PCNX1: variants seen among roughly 807,000 people sequenced by gnomAD.
PCNX1 encodes the protein pecanex-like protein 1.
A neutral mutation model predicts 242.2 loss-of-function variants in PCNX1; 78 were observed. The ratio of observed to expected loss-of-function variants is 0.32; its 90% CI spans 0.27 to 0.39. PCNX1 has a LOEUF of 0.39. Ranked by LOEUF, PCNX1 falls within the 10% of genes least tolerant of loss-of-function variation. PCNX1 has a pLI of 1.00. For missense variants in PCNX1, 2,581 were observed against 2,856.5 expected (o/e 0.90, Z 2.20); for synonymous variants, 1,024 against 1,032.9 (o/e 0.99, Z 0.17).
chr14:70,992,997 A>C (rs2059213901), intron 7 of PCNX1, among the ~76,000 whole-genome samples: 1 of 152,158 alleles, frequency 6.6e-6, no homozygotes, highest in Non-Finnish European at 1.5e-5. Context: ...GAAAATCTTT[A>C]AAATAATTGG....
chr14:71,068,728 A>G lies in PCNX1; in HGVS notation c.4853-4817A>G, dbSNP rs907678820. Among the ~76,000 whole-genome samples the G allele has an allele frequency of 4.3e-5, 6 of 137,940 alleles. No homozygotes were observed. The East Asian group carries it at 1.2e-3, about 28-fold the overall frequency. 90.5% of individuals were successfully genotyped at this position (137,940 alleles called of 152,430 possible). A position where few individuals can be genotyped will look rare whatever the true frequency, so the allele number is the denominator to read the frequency against. On this transcript the variant is annotated intron_variant, in intron 26 of 35. Transcript: ENST00000304743. ...GCATATATGTATGTATATATAATATACAAATAACATTTATATATTTTATAT... is the reference window on the plus strand; with the variant it reads ...GCATATATGTATGTATATATAATATGCAAATAACATTTATATATTTTATAT...
chr14:71,038,664 C>T (rs1242614899), intron 19 of PCNX1, among the ~76,000 whole-genome samples: 3 of 151,018 alleles, frequency 2.0e-5, no homozygotes, highest in Non-Finnish European at 4.5e-5. Context: ...GTCAGTGTGG[C>T]GATTCCTCAG....
intron 8 of PCNX1, among the ~76,000 whole-genome samples, chr14:71,000,968 AAGTTATTGTCTTGTCTTAAGCCTC>A (rs1427383121): frequency 6.6e-6 from 1 of 152,190 alleles, no homozygotes; most frequent in Non-Finnish European, 1.5e-5. Flanking sequence ...GATCTTGGGA[AAGTTATTGTCTTGTCTTAAGCCTC>A]AGTTTCCTCA....
chr14:71,100,352 T>C (rs1157396263), intron 30 of PCNX1, among the ~76,000 whole-genome samples: 2 of 152,222 alleles, frequency 1.3e-5, no homozygotes, highest in South Asian at 2.1e-4. Context: ...CTTTCACTTA[T>C]GAAGCTTAGT....
chr14:71,005,649 C>G (rs2059635455), intron 8 of PCNX1, among the ~76,000 whole-genome samples: 1 of 152,078 alleles, frequency 6.6e-6, no homozygotes, highest in Admixed American at 6.5e-5. Context: ...ATTCATTTCC[C>G]ATGTCTTTTA....
intron 22 of PCNX1, among the ~76,000 whole-genome samples, chr14:71,048,787 C>T (rs1302340146): frequency 6.6e-6 from 1 of 151,848 alleles, no homozygotes; most frequent in East Asian, 1.9e-4. Flanking sequence ...GTACAGAGAA[C>T]AGCTTAAGCG....
At chr14:71,008,095 C>T (rs1595220027) in intron 8 of PCNX1, among the ~76,000 whole-genome samples, 1 of 151,996 alleles carries the variant, frequency 6.6e-6, no homozygotes, top group African/African-American at 2.4e-5. Context: ...AATGTGGCTA[C>T]AGAAAACAGC....
At chr14:71,033,775 T>A (rs1341504272) in intron 17 of PCNX1, among the ~76,000 whole-genome samples, 156 bp from the exon 18 acceptor site, 1 of 152,202 alleles carries the variant, frequency 6.6e-6, no homozygotes, top group South Asian at 2.1e-4. Flanking sequence ...CACTGTATGC[T>A]TATTTATGGT....
Position 71,105,244 on chromosome 14 carries a change from A to T in PCNX1, c.6105A>T (p.Lys2035Asn), listed in dbSNP as rs759558929. 1 of 1,613,606 alleles carries T rather than the reference A, an allele frequency of 6.2e-7. No individual in the cohort carries two copies. The highest frequency in any genetic ancestry group is 8.5e-7 in the Non-Finnish European group (1 of 1,179,518). ...TGGTATTTGTTCCTAGGCTTAGGAA[A>T]GGTTGCGGAGCTGGATGTAACAGTG... The part of the protein sequence containing the change: ...FIVSTWHRLR[K>N]GCGAGCNSGG... The change falls in exon 33 of 36, where the codon AAA (lysine) becomes AAT (asparagine). Residue 2035 changes from lysine to asparagine, a missense_variant. Lys to Asn is a moderately conservative substitution (Grantham distance 94). Coordinates refer to ENST00000304743, the MANE Select transcript of PCNX1 (RefSeq NM_014982.3).
At chr14:71,059,338 T>C (rs2061265179) in intron 26 of PCNX1, among the ~76,000 whole-genome samples, 1 of 152,272 alleles carries the variant, frequency 6.6e-6, no homozygotes, top group South Asian at 2.1e-4. Flanking sequence ...TGAACTCCTA[T>C]AGATTTGGGT....
At chr14:71,001,539 G>A (rs1421081998) in intron 8 of PCNX1, among the ~76,000 whole-genome samples, 2 of 152,160 alleles carry the variant, frequency 1.3e-5, no homozygotes, top group Non-Finnish European at 2.9e-5. Flanking sequence ...AGTTTTGGGT[G>A]CCTGAACAGC....
At chr14:71,080,255 A>G (rs2061820693) in intron 28 of PCNX1, among the ~76,000 whole-genome samples, 1 of 152,186 alleles carries the variant, frequency 6.6e-6, no homozygotes. Flanking sequence ...TGCCAGTACC[A>G]TGCTGTTTTG....
intron 8 of PCNX1, among the ~76,000 whole-genome samples, chr14:71,007,509 G>A (rs2059700424): frequency 6.6e-6 from 1 of 152,072 alleles, no homozygotes; most frequent in African/African-American, 2.4e-5. Flanking sequence ...TATAAATTAT[G>A]TTATGACAAT....
At position 71,098,553 on chromosome 14, in the gene PCNX1, T is replaced by TGTGAGAGAGAGA. The variant is rs60367565; in HGVS notation, c.5590-3436_5590-3435insTGAGAGAGAGAG. Among the ~76,000 whole-genome samples, 401 of 125,690 alleles carry TGTGAGAGAGAGA rather than the reference T, an allele frequency of 3.2e-3. 4 individuals are homozygous for TGTGAGAGAGAGA. The highest frequency in any genetic ancestry group is 0.011 in the East Asian group (47 of 4,154). 82.5% of individuals were successfully genotyped at this position (125,690 alleles called of 152,430 possible). A position where few individuals can be genotyped will look rare whatever the true frequency, so the allele number is the denominator to read the frequency against. On this transcript the variant is annotated intron_variant, in intron 30 of 35. Transcript: ENST00000304743. Reference sequence around the variant, plus strand: ...GTGTGTGTGTGTGTGTGTGTGTGTGTGAGAGAGAGAGAGAGAACATTGTAG... The same window carrying TGTGAGAGAGAGA: ...GTGTGTGTGTGTGTGTGTGTGTGTGTGTGAGAGAGAGAGAGAGAGAGAGAGAGAACATTGTAG...
intron 5 of PCNX1, among the ~76,000 whole-genome samples, chr14:70,976,501 A>G (rs2058694528): frequency 6.6e-6 from 1 of 151,110 alleles, no homozygotes; most frequent in South Asian, 2.1e-4. Flanking sequence ...GCCTCCGGAG[A>G]AGCTGGGACT....
intron 7 of PCNX1, among the ~76,000 whole-genome samples, chr14:70,993,419 T>C (rs865938699): frequency 7.9e-5 from 12 of 152,136 alleles, no homozygotes; most frequent in South Asian, 4.1e-4. Flanking sequence ...TGAGCCACCG[T>C]GCCTGGCCAA....
rs897771710 is a variant in PCNX1, at chr14:71,111,342, T to C, written c.*1407T>C. The C allele has an allele frequency of 6.5e-4, 99 of 152,728 alleles. No individual in the cohort carries two copies. Among genetic ancestry groups the C allele is most frequent in the African/African-American group, 2.2e-3 (91 of 41,580 alleles). The allele number at this position is 152,728 out of a possible 1,614,324, so 9.5% of individuals were successfully genotyped here. A position where few individuals can be genotyped will look rare whatever the true frequency, so the allele number is the denominator to read the frequency against. ...GTGAAACTCCAAAGAAAATTGTACA[T>C]CTCCTCTGAGCATTTAGGAGCAGCC... On this transcript the variant is annotated 3_prime_UTR_variant, in exon 36 of 36. Coordinates refer to ENST00000304743, the MANE Select transcript of PCNX1 (RefSeq NM_014982.3).
intron 5 of PCNX1, among the ~76,000 whole-genome samples, chr14:70,974,160 CTT>C (rs1011352660): frequency 6.7e-6 from 1 of 149,942 alleles, no homozygotes; most frequent in Non-Finnish European, 1.5e-5. Context: ...TGGTATATCA[CTT>C]TTCGCATTTA....
In PCNX1 at chr14:70,978,154, G is replaced by A. The variant is rs777057069; in HGVS notation, c.1817G>A (p.Ser606Asn). The A allele has an allele frequency of 6.2e-7, 1 of 1,614,156 alleles. No homozygotes were observed. The highest frequency in any genetic ancestry group is 1.1e-5 in the South Asian group (1 of 91,082). The change falls in exon 6 of 36, where the codon AGT (serine) becomes AAT (asparagine). Residue 606 changes from serine (S) to asparagine (N), a missense_variant. Physicochemically the swap from Ser to Asn is conservative, Grantham distance 46. This residue lies in a region of PCNX1 where 1,204 missense variants were observed against 1,216.7 expected (regional missense o/e 0.99). Transcript: ENST00000304743. ...FCHDEDSSDQ[S>N]DLSRASSVQS... The stretch of plus-strand genomic sequence containing the variant: ...CATGACGAAGACTCTAGTGATCAGA[G>A]TGACTTGAGTAGAGCATCAAGTGTT...
Sources: gnomAD v4.1 joint callset for allele counts (sites outside exome capture counted in the v4.1 genomes callset) on GRCh38, gnomAD v4.1.1 for gene constraint, gnomAD v4.1.1 regional missense constraint, MANE v1.5 for transcripts, NCBI Gene and HGNC (gene_info 2026-07-23, HGNC 2026-07-21) for gene names.